Variants in SSPN observed in about 807,000 individuals in gnomAD.
The protein encoded by SSPN is sarcospan.
A neutral mutation model predicts 19.1 loss-of-function variants in SSPN; 15 were observed. That is an observed-to-expected ratio of 0.78 (90% CI 0.52 to 1.21). The LOEUF (loss-of-function observed/expected upper bound fraction) is 1.21. SSPN is among the 50% of genes most tolerant of loss of function. The probability of loss-of-function intolerance (pLI) is 0.00; values close to 1 mark genes in which losing one functional copy is unlikely to be tolerated. For synonymous variants in SSPN, 147 were observed against 140.3 expected, an observed-to-expected ratio of 1.05 and a Z score of -0.34; for missense variants, 291 against 314.0, an observed-to-expected ratio of 0.93 and a Z score of 0.55.
intron 2 of SSPN, among the ~76,000 whole-genome samples, chr12:26,230,385 C>A (rs1390951044): frequency 1.3e-5 from 2 of 152,156 alleles, no homozygotes; most frequent in African/African-American, 4.8e-5. Flanking sequence ...CCAGGGATGG[C>A]TAGCTTGTTT....
chr12:26,124,083 G>C, intron 1 of SSPN: 1 of 1,604,150 alleles, frequency 6.2e-7, no homozygotes, highest in East Asian at 2.2e-5. Flanking sequence ...GTCAATTTCA[G>C]ATGTTCAGGC....
At chr12:26,183,980 C>A (rs1342500738) in intron 1 of SSPN, among the ~76,000 whole-genome samples, 1 of 152,198 alleles carries the variant, frequency 6.6e-6, no homozygotes, top group East Asian at 1.9e-4. Context: ...AAGGGAGCAG[C>A]CCCTGACTCA....
chr12:26,195,643 A>AGG lies in SSPN; in HGVS notation c.-30_-29insGG. 4.1e-6 allele frequency: 1 copy of AGG among 242,022 alleles called. No individual in the cohort carries two copies. The highest frequency in any genetic ancestry group is 6.7e-6 in the Non-Finnish European group (1 of 150,340). 15.0% of individuals were successfully genotyped at this position (242,022 alleles called of 1,614,324 possible). On this transcript the variant is annotated 5_prime_UTR_variant, in exon 1 of 3. Coordinates refer to ENST00000242729, the MANE Select transcript of SSPN (RefSeq NM_005086.5). ...CCAGGGCCCAGGGCGCCGCACACGC[A>AGG]CCCACCCACCCACCCAGCCTCGCAG...
intron 1 of SSPN, among the ~76,000 whole-genome samples, chr12:26,202,175 G>C (rs1174565519): frequency 6.6e-6 from 1 of 152,092 alleles, no homozygotes; most frequent in African/African-American, 2.4e-5. Flanking sequence ...ACATGAAAAG[G>C]TCTGTACATG....
chr12:26,202,545 T>C (rs925631523), intron 1 of SSPN, among the ~76,000 whole-genome samples: 11 of 152,246 alleles, frequency 7.2e-5, no homozygotes, highest in African/African-American at 2.7e-4. Context: ...ATGTTGATAT[T>C]ACCACTCTTA....
intron 1 of SSPN, among the ~76,000 whole-genome samples, chr12:26,145,879 T>G (rs960490098): frequency 2.8e-4 from 42 of 152,190 alleles, no homozygotes; most frequent in Non-Finnish European, 8.8e-5. Context: ...GTTCACTGCT[T>G]TGGTGCTACA....
At chr12:26,208,158 A>G (rs1189557996) in intron 1 of SSPN, among the ~76,000 whole-genome samples, 1 of 152,212 alleles carries the variant, frequency 6.6e-6, no homozygotes, top group East Asian at 1.9e-4. Flanking sequence ...AGTCTTGTTA[A>G]GGCATATTCC....
At chr12:26,157,061 A>G (rs1944560202) in intron 1 of SSPN, among the ~76,000 whole-genome samples, 1 of 152,116 alleles carries the variant, frequency 6.6e-6, no homozygotes, top group African/African-American at 2.4e-5. Flanking sequence ...TGTTCTATAC[A>G]GGTAGCTCTT....
intron 1 of SSPN, among the ~76,000 whole-genome samples, chr12:26,203,461 C>G (rs1944904051): frequency 6.6e-6 from 1 of 152,108 alleles, no homozygotes; most frequent in African/African-American, 2.4e-5. Context: ...AAAATAGATG[C>G]TAGGAACAGG....
At chr12:26,195,411 G>C, upstream of SSPN, 1 of 482,832 alleles carries the variant, frequency 2.1e-6, no homozygotes, top group Non-Finnish European at 3.2e-6. Context: ...GCCGGTTTCC[G>C]CGGGCGACCT....
At chr12:26,188,681 C>A (rs1233097932) in intron 1 of SSPN, among the ~76,000 whole-genome samples, 2 of 152,216 alleles carry the variant, frequency 1.3e-5, no homozygotes, top group African/African-American at 4.8e-5. Context: ...CCAGATCACA[C>A]CATGACTATT....
Position 26,234,010 on chromosome 12 carries a change from A to T in SSPN, c.*2934A>T, listed in dbSNP as rs1452506643. 1 of 152,200 alleles carries T rather than the reference A, an allele frequency of 6.6e-6. No homozygotes were observed. The allele number at this position is 152,200 out of a possible 1,614,324, so 9.4% of individuals were successfully genotyped here. A position where few individuals can be genotyped will look rare whatever the true frequency, so the allele number is the denominator to read the frequency against. ...GAGCCCTGGAAACTGTAGTCAAGTAACAGGCCTCACTGTTTTTTTTCTTTG... is the reference window on the plus strand; with the variant it reads ...GAGCCCTGGAAACTGTAGTCAAGTATCAGGCCTCACTGTTTTTTTTCTTTG... On this transcript the variant is annotated 3_prime_UTR_variant, in exon 3 of 3. Coordinates refer to ENST00000242729, the MANE Select transcript of SSPN (RefSeq NM_005086.5).
At position 26,233,515 on chromosome 12, in the gene SSPN, G is replaced by T. The variant is rs983417851; in HGVS notation, c.*2439G>T. The T allele has an allele frequency of 8.5e-5, 13 of 152,060 alleles. No homozygotes were observed. The highest frequency in any genetic ancestry group is 3.1e-4 in the African/African-American group (13 of 41,384). The allele number at this position is 152,060 out of a possible 1,614,324, so 9.4% of individuals were successfully genotyped here. On this transcript the variant is annotated 3_prime_UTR_variant, in exon 3 of 3. Transcript: ENST00000242729. The surrounding 1 kb of genome is among the most constrained non-coding windows in gnomAD (Gnocchi z 4.3). Reference sequence around the variant, plus strand: ...GAAAAGATCCCTTTGCTATGAGCTCGCTGTATATTGATAAGTGTAAGAATT... The same window carrying T: ...GAAAAGATCCCTTTGCTATGAGCTCTCTGTATATTGATAAGTGTAAGAATT...
intron 1 of SSPN, among the ~76,000 whole-genome samples, chr12:26,179,427 G>A (rs181968506): frequency 5.3e-5 from 8 of 152,290 alleles, no homozygotes; most frequent in Non-Finnish European, 1.2e-4. Context: ...TTTTGCTGGG[G>A]ACAGGAGCCA....
chr12:26,145,361 A>G (rs1944483863), intron 1 of SSPN, among the ~76,000 whole-genome samples: 1 of 152,146 alleles, frequency 6.6e-6, no homozygotes, highest in African/African-American at 2.4e-5. Flanking sequence ...CACTTGGTCA[A>G]TCACTGTGTC....
Position 26,231,195 on chromosome 12 carries a change from T to C in SSPN, c.*119T>C. 1 of 1,293,036 alleles carries C rather than the reference T, an allele frequency of 7.7e-7. No individual in the cohort carries two copies. The highest frequency in any genetic ancestry group is 1.9e-5 in the South Asian group (1 of 53,572). The allele number at this position is 1,293,036 out of a possible 1,614,324, so 80.1% of individuals were successfully genotyped here. ...TGACAATAAAAGTCACTCTTCTAAT[T>C]GAATATTTTTATATTTTTATGAAAC... On this transcript the variant is annotated 3_prime_UTR_variant, in exon 3 of 3. Coordinates refer to ENST00000242729, the MANE Select transcript of SSPN (RefSeq NM_005086.5).
upstream of SSPN, among the ~76,000 whole-genome samples, chr12:26,193,673 T>C (rs1944802717): frequency 6.6e-6 from 1 of 152,224 alleles, no homozygotes; most frequent in Admixed American, 6.5e-5. Context: ...TAGAAAGCCC[T>C]TGTGGTGTGA....
At position 26,184,122 on chromosome 12, in the gene SSPN, T is replaced by C. The variant is rs1292899608; in HGVS notation, c.-30-40171T>C. Among the ~76,000 whole-genome samples, 2 of 152,168 alleles carry C rather than the reference T, an allele frequency of 1.3e-5. 1 individual carries two copies. The highest frequency in any genetic ancestry group is 1.3e-4 in the Admixed American group (2 of 15,268). ...CACAGTCACTTGTGAGGGGTGGCAG[T>C]CAAGGTGTGGGGTGGAAAATGGAAC... On this transcript the variant is annotated intron_variant, in intron 1 of 2. Coordinates refer to the SSPN transcript ENST00000538142.
At chr12:26,229,556 T>C (rs10842694) in intron 2 of SSPN, among the ~76,000 whole-genome samples, 49,486 of 152,158 alleles carry the variant, frequency 0.33, 9,363 homozygotes, top group Non-Finnish European at 0.44. Flanking sequence ...TTGAATTATA[T>C]ATAAGGGAAG....
Sources: allele counts gnomAD v4.1 joint callset (sites outside exome capture counted in the v4.1 genomes callset), GRCh38; gene constraint gnomAD v4.1.1; non-coding constraint Gnocchi (gnomAD v3.1); transcripts MANE v1.5; gene names NCBI Gene and HGNC (gene_info 2026-07-23, HGNC 2026-07-21).